EYS: variants seen among roughly 807,000 people sequenced by gnomAD.
EYS encodes the protein EGF-like photoreceptor maintenance factor.
In EYS, 250 loss-of-function variants were observed where a neutral mutation model predicts 282.1. The observed-to-expected ratio is 0.89, with a 90% CI of 0.80 to 0.98. The LOEUF (loss-of-function observed/expected upper bound fraction) is 0.98, where lower values mean the gene tolerates loss of function less well. Among genes scored for constraint, EYS ranks in the 50% least tolerant of loss-of-function variants. The pLI, the probability that EYS is intolerant of heterozygous loss-of-function variation, is 0.00. For missense variants in EYS, 4,016 were observed against 3,709.0 expected, an observed-to-expected ratio of 1.08 and a Z score of -2.15; for synonymous variants, 1,355 against 1,282.9, an observed-to-expected ratio of 1.06 and a Z score of -1.20.
intron 28 of EYS, among the ~76,000 whole-genome samples, chr6:64,418,534 A>G (rs1317795139): frequency 6.6e-6 from 1 of 152,164 alleles, no homozygotes; most frequent in Non-Finnish European, 1.5e-5. Context: ...GATCACATTA[A>G]TATCTACGTG....
chr6:64,508,355 G>C (rs918774748), intron 26 of EYS, among the ~76,000 whole-genome samples: 2 of 151,798 alleles, frequency 1.3e-5, no homozygotes, highest in Non-Finnish European at 2.9e-5. Context: ...AACTCAAACA[G>C]TATTTCCCTA....
At chr6:64,707,558 A>G (rs1409290115) in intron 22 of EYS, among the ~76,000 whole-genome samples, 1 of 150,670 alleles carries the variant, frequency 6.6e-6, no homozygotes, top group Non-Finnish European at 1.5e-5. Context: ...AGTCCCAGCT[A>G]CTCCGGAGGC....
chr6:63,806,181 T>G lies in EYS; in HGVS notation c.7411+9A>C. 5.2e-6 allele frequency: 8 copies of G among 1,550,088 alleles called. No individual in the cohort carries two copies. The highest frequency in any genetic ancestry group is 7.0e-6 in the Non-Finnish European group (8 of 1,145,782). On this transcript the variant is annotated intron_variant, in intron 37 of 42. Transcript: ENST00000503581. The stretch of plus-strand genomic sequence containing the variant: ...CGAGGCAAGTCCTAGAGGGTTCAGT[T>G]AATCTTACCATGGCCTTTCTGTCCA...
At chr6:64,913,620 G>A (rs1031710233) in intron 15 of EYS, among the ~76,000 whole-genome samples, 1 of 152,124 alleles carries the variant, frequency 6.6e-6, no homozygotes. Context: ...GGATTCCACA[G>A]TGTATATGCA....
At chr6:65,392,016 G>A (rs1229819672) in intron 7 of EYS, among the ~76,000 whole-genome samples, 7 of 151,420 alleles carry the variant, frequency 4.6e-5, no homozygotes, top group South Asian at 2.1e-4. Flanking sequence ...AAATAACGCC[G>A]CATATCTACA....
intron 29 of EYS, among the ~76,000 whole-genome samples, chr6:64,316,172 C>T (rs890164807): frequency 6.6e-6 from 1 of 152,176 alleles, no homozygotes; most frequent in African/African-American, 2.4e-5. Flanking sequence ...CAAGGATGCC[C>T]TCTCTCACCA....
chr6:65,406,090 C>G (rs1220165252), intron 5 of EYS, among the ~76,000 whole-genome samples: 1 of 151,942 alleles, frequency 6.6e-6, no homozygotes, highest in African/African-American at 2.4e-5. Context: ...TTGATATTGT[C>G]CGTTTTCTTT....
At chr6:65,560,296 T>C (rs1259033787) in intron 2 of EYS, among the ~76,000 whole-genome samples, 2 of 139,748 alleles carry the variant, frequency 1.4e-5, no homozygotes, top group South Asian at 4.2e-4. Flanking sequence ...TAATATAACA[T>C]ATAATAATAT....
intron 12 of EYS, among the ~76,000 whole-genome samples, chr6:65,192,266 A>C (rs746364043): frequency 7.1e-6 from 1 of 140,718 alleles, no homozygotes; most frequent in Admixed American, 7.3e-5. Context: ...GTTAACAACT[A>C]TTTCTTTCCC....
chr6:64,525,207 A>C (rs973543163), intron 26 of EYS, among the ~76,000 whole-genome samples: 12 of 151,882 alleles, frequency 7.9e-5, no homozygotes, highest in African/African-American at 2.9e-4. Flanking sequence ...TCATTCCACC[A>C]TGAGGGCACA....
rs573874408 is a variant in EYS at position 65,081,763 on chromosome 6, G to C, written c.2024-24036C>G. Among the ~76,000 whole-genome samples the C allele has an allele frequency of 1.2e-4, 19 of 152,062 alleles. No individual in the cohort carries two copies. The South Asian group carries it at 3.7e-3, about 30-fold the overall frequency. The stretch of plus-strand genomic sequence containing the variant: ...TTCATCTTGAGATTACTAAACATGG[G>C]TCACAATTTTAAGAACATCTAGGAA... On this transcript the variant is annotated intron_variant, in intron 12 of 42. Coordinates refer to ENST00000503581, the MANE Select transcript of EYS (RefSeq NM_001142800.2).
At chr6:65,467,086 A>G (rs1196678823) in intron 5 of EYS, among the ~76,000 whole-genome samples, 1 of 152,190 alleles carries the variant, frequency 6.6e-6, no homozygotes, top group African/African-American at 2.4e-5. Flanking sequence ...GCACCCACCT[A>G]ATAGCTAAAA....
chr6:64,847,708 C>A (rs1765758877), intron 19 of EYS, among the ~76,000 whole-genome samples: 1 of 151,976 alleles, frequency 6.6e-6, no homozygotes, highest in Non-Finnish European at 1.5e-5. Context: ...TATTTATTTT[C>A]TAAAACAAAC....
At chr6:64,847,221 C>G (rs112082496) in intron 19 of EYS, among the ~76,000 whole-genome samples, 24 of 151,858 alleles carry the variant, frequency 1.6e-4, no homozygotes, top group South Asian at 8.3e-4. Context: ...ATACAAAATT[C>G]CCCTCTCTCT....
chr6:65,465,325 T>A (rs1253314583), intron 5 of EYS, among the ~76,000 whole-genome samples: 1 of 151,792 alleles, frequency 6.6e-6, no homozygotes, highest in African/African-American at 2.4e-5. Context: ...CCATTTTTTT[T>A]AATTAGCCAG....
At chr6:65,225,106 C>G (rs1190418980) in intron 12 of EYS, among the ~76,000 whole-genome samples, 1 of 151,688 alleles carries the variant, frequency 6.6e-6, no homozygotes, top group South Asian at 2.1e-4. Flanking sequence ...ATACCAAAGT[C>G]AAACAAAAGG....
At chr6:65,182,075 G>A (rs914172078) in intron 12 of EYS, among the ~76,000 whole-genome samples, 8 of 151,916 alleles carry the variant, frequency 5.3e-5, no homozygotes, top group Non-Finnish European at 7.4e-5. Flanking sequence ...GGGTAGGGGG[G>A]AGGGATAGCA....
intron 33 of EYS, among the ~76,000 whole-genome samples, chr6:64,041,276 A>G (rs555563786): frequency 1.3e-5 from 2 of 152,214 alleles, no homozygotes; most frequent in South Asian, 4.1e-4. Flanking sequence ...GAAAAAAACA[A>G]TTCCCTTAAA....
intron 12 of EYS, among the ~76,000 whole-genome samples, chr6:65,230,027 C>T (rs1373280132): frequency 1.3e-5 from 2 of 151,792 alleles, no homozygotes; most frequent in African/African-American, 4.8e-5. Flanking sequence ...AAAACAATGG[C>T]TGACAGACTG....
Sources: allele counts gnomAD v4.1 joint callset (sites outside exome capture counted in the v4.1 genomes callset), GRCh38; gene constraint gnomAD v4.1.1; transcripts MANE v1.5; gene names NCBI Gene and HGNC (gene_info 2026-07-23, HGNC 2026-07-21).